ETNPPL: variants seen among roughly 807,000 people sequenced by gnomAD.
The protein encoded by ETNPPL is alanine--glyoxylate aminotransferase 2-like 1.
In ETNPPL, 30 loss-of-function variants were observed where a neutral mutation model predicts 55.5. That is an observed-to-expected ratio of 0.54 (90% CI 0.40 to 0.73). ETNPPL has a LOEUF of 0.73. Ranked by LOEUF, ETNPPL falls within the 30% of genes least tolerant of loss-of-function variation. ETNPPL has a pLI of 0.00. For missense variants in ETNPPL, 528 were observed against 607.9 expected (o/e 0.87, Z 1.38); for synonymous variants, 202 against 207.2 (o/e 0.98, Z 0.21).
intron 3 of ETNPPL, among the ~76,000 whole-genome samples, chr4:108,758,791 G>A (rs1729354197): frequency 6.6e-6 from 1 of 152,234 alleles, no homozygotes; most frequent in Non-Finnish European, 1.5e-5. Flanking sequence ...GGTTGCTCAT[G>A]CTTGCAATCC....
chr4:108,761,554 C>G (rs963044931), intron 1 of ETNPPL, among the ~76,000 whole-genome samples: 1 of 152,212 alleles, frequency 6.6e-6, no homozygotes, highest in African/African-American at 2.4e-5. Context: ...TTTTAATACA[C>G]TTTCCACCTT....
chr4:108,746,641 A>G (rs1051788678), intron 10 of ETNPPL, 112 bp from the exon 11 acceptor site: 46 of 1,461,220 alleles, frequency 3.1e-5, no homozygotes, highest in Non-Finnish European at 3.8e-5. Flanking sequence ...AGCCCACATT[A>G]TAAATAGGAT....
chr4:108,742,654 T>A, intron 12 of ETNPPL, 42 bp from the exon 13 acceptor site: 1 of 1,612,018 alleles, frequency 6.2e-7, no homozygotes, highest in East Asian at 2.2e-5. Context: ...CATCCACCTC[T>A]AATCCAGCCT....
Position 108,742,284 on chromosome 4 carries a change from C to A in ETNPPL, c.*200G>T. On this transcript the variant is annotated 3_prime_UTR_variant, in exon 13 of 13. Transcript: ENST00000296486. ...TTCAGAAATCAACTAAGAAAATTAA[C>A]AGGCTAGAGTCTGAACTAATAATCT... The A allele has an allele frequency of 2.4e-6, 1 of 409,118 alleles. No homozygotes were observed. The highest frequency in any genetic ancestry group is 2.0e-5 in the African/African-American group (1 of 50,558). 25.3% of individuals were successfully genotyped at this position (409,118 alleles called of 1,614,324 possible). A position where few individuals can be genotyped will look rare whatever the true frequency, so the allele number is the denominator to read the frequency against.
intron 9 of ETNPPL, chr4:108,747,801 T>C: frequency 2.1e-6 from 1 of 473,652 alleles, no homozygotes; most frequent in East Asian, 3.9e-5. Context: ...CAATCTCGGC[T>C]CACTGCAACC....
chr4:108,748,665 C>A (rs903117540), intron 8 of ETNPPL, among the ~76,000 whole-genome samples: 4 of 151,952 alleles, frequency 2.6e-5, no homozygotes, highest in Admixed American at 6.6e-5. Flanking sequence ...AATATAATAT[C>A]CCAAAGATAA....
At position 108,756,596 on chromosome 4, in the gene ETNPPL, A is replaced by C; in HGVS notation, c.336-104T>G. 3.6e-6 allele frequency: 3 copies of C among 841,296 alleles called. No homozygotes were observed. The Admixed American group carries it at 5.9e-5, about 17-fold the overall frequency. 52.1% of individuals were successfully genotyped at this position (841,296 alleles called of 1,614,324 possible). A position where few individuals can be genotyped will look rare whatever the true frequency, so the allele number is the denominator to read the frequency against. On this transcript the variant is annotated intron_variant, in intron 3 of 12. Coordinates refer to ENST00000296486, the MANE Select transcript of ETNPPL (RefSeq NM_031279.4). ...TCACGCCTGTAATCCTAGCGCTTTG[A>C]GAGGCCAAGGAGGGCCGATTGCCTG...
chr4:108,759,704 A>C (rs945101891), intron 3 of ETNPPL, 45 bp downstream of exon 3: 1 of 1,593,794 alleles, frequency 6.3e-7, no homozygotes. Context: ...AAGAGTAGAC[A>C]AAGTTTAGTG....
chr4:108,762,487 C>T (rs535977393), intron 1 of ETNPPL: 5 of 657,528 alleles, frequency 7.6e-6, no homozygotes, highest in Middle Eastern at 2.4e-4. Flanking sequence ...GTGGGGGTGG[C>T]GGAGCGCTAT....
chr4:108,750,867 C>A, intron 7 of ETNPPL, 69 bp downstream of exon 7: 1 of 1,098,934 alleles, frequency 9.1e-7, no homozygotes, highest in Non-Finnish European at 1.4e-6. Flanking sequence ...ATCTTAGCAA[C>A]TAGTATGGCC....
chr4:108,762,972 C>T lies in ETNPPL; in HGVS notation c.-74G>A, dbSNP rs755563929. ...CGCCTCCTACGCGAGCCTGGGACTG[C>T]CTTGGCGGCCCCGGCCGGCCTTCCT... On this transcript the variant is annotated 5_prime_UTR_variant, in exon 1 of 13. Coordinates refer to ENST00000296486, the MANE Select transcript of ETNPPL (RefSeq NM_031279.4). The T allele has an allele frequency of 5.7e-5, 84 of 1,469,236 alleles. No individual in the cohort carries two copies. Among genetic ancestry groups the T allele is most frequent in the Non-Finnish European group, 7.3e-5 (77 of 1,055,052 alleles). 91.0% of individuals were successfully genotyped at this position (1,469,236 alleles called of 1,614,324 possible).
At chr4:108,749,164 A>T in intron 8 of ETNPPL, 74 bp downstream of exon 8, 2 of 1,198,218 alleles carry the variant, frequency 1.7e-6, no homozygotes, top group Non-Finnish European at 2.4e-6. Flanking sequence ...TTTATTCTTT[A>T]CTACATTGGC....
At chr4:108,753,752 G>GAAAGAAAGAAAGA (rs1553934223) in intron 5 of ETNPPL, among the ~76,000 whole-genome samples, 15 of 108,176 alleles carry the variant, frequency 1.4e-4, no homozygotes, top group Non-Finnish European at 2.9e-4. Context: ...AAATAAATAA[G>GAAAGAAAGAAAGA]AAAGAAAGAA....
At chr4:108,752,415 A>G (rs1728956680) in intron 6 of ETNPPL, among the ~76,000 whole-genome samples, 1 of 152,198 alleles carries the variant, frequency 6.6e-6, no homozygotes, top group African/African-American at 2.4e-5. Flanking sequence ...CTGTCTTAGA[A>G]GTCCAGGCCC....
Position 108,762,949 on chromosome 4 carries a change from C to T in ETNPPL, c.-51G>A, listed in dbSNP as rs1368819378. On this transcript the variant is annotated 5_prime_UTR_variant, in exon 1 of 13. Transcript: ENST00000296486. ...AGGTGCAAGGTGCAAGGTCTGCGCG[C>T]CTCCTACGCGAGCCTGGGACTGCCT... The T allele has an allele frequency of 6.3e-7, 1 of 1,575,414 alleles. No individual in the cohort carries two copies. Among genetic ancestry groups the T allele is most frequent in the East Asian group, 2.2e-5 (1 of 44,474 alleles).
chr4:108,748,721 A>G (rs1409072504), intron 8 of ETNPPL, among the ~76,000 whole-genome samples: 2 of 152,210 alleles, frequency 1.3e-5, no homozygotes, highest in East Asian at 3.8e-4. Flanking sequence ...TATAGTACTG[A>G]GTCATAAAAA....
At chr4:108,749,996 AGCC>A (rs971330107) in intron 7 of ETNPPL, among the ~76,000 whole-genome samples, 14 of 152,330 alleles carry the variant, frequency 9.2e-5, no homozygotes, top group African/African-American at 3.4e-4. Context: ...ATAGTGCATG[AGCC>A]ACAGCACCCA....
rs1729596475 is a variant in ETNPPL at position 108,763,005 on chromosome 4, T to A, written c.-107A>T. On this transcript the variant is annotated 5_prime_UTR_variant, in exon 1 of 13. Coordinates refer to ENST00000296486, the MANE Select transcript of ETNPPL (RefSeq NM_031279.4). ...GCCCCGGCCGGCCTTCCTCCCGTTA[T>A]CCCTCCTGGCGTTCTCTTGCCCGGG... 1.9e-6 allele frequency: 2 copies of A among 1,046,806 alleles called. No homozygotes were observed. Among genetic ancestry groups the A allele is most frequent in the African/African-American group, 1.6e-5 (1 of 63,950 alleles). The allele number at this position is 1,046,806 out of a possible 1,614,324, so 64.8% of individuals were successfully genotyped here. A position where few individuals can be genotyped will look rare whatever the true frequency, so the allele number is the denominator to read the frequency against.
chr4:108,743,338 C>A (rs1220309889), intron 12 of ETNPPL, among the ~76,000 whole-genome samples: 2 of 152,142 alleles, frequency 1.3e-5, no homozygotes, highest in African/African-American at 4.8e-5. Flanking sequence ...TTCCCAGGCC[C>A]CACTGCCATT....
Sources: allele counts gnomAD v4.1 joint callset (sites outside exome capture counted in the v4.1 genomes callset), GRCh38; gene constraint gnomAD v4.1.1; transcripts MANE v1.5; gene names NCBI Gene and HGNC (gene_info 2026-07-23, HGNC 2026-07-21).